Variants in SLC14A2 observed in about 807,000 individuals in gnomAD.
The protein encoded by SLC14A2 is solute carrier family 14 member 2.
A neutral mutation model predicts 104.6 loss-of-function variants in SLC14A2; 91 were observed. The observed-to-expected ratio is 0.87, with a 90% CI of 0.73 to 1.04. SLC14A2 has a LOEUF of 1.04. SLC14A2 is among the 50% of genes least tolerant of loss of function. The pLI, the probability that SLC14A2 is intolerant of heterozygous loss-of-function variation, is 0.00. For missense variants in SLC14A2, 1,189 were observed against 1,156.0 expected (o/e 1.03, Z -0.41); for synonymous variants, 476 against 466.4 (o/e 1.02, Z -0.27).
At chr18:45,519,559 A>G (rs1022085519) in intron 2 of SLC14A2, among the ~76,000 whole-genome samples, 1 of 152,200 alleles carries the variant, frequency 6.6e-6, no homozygotes, top group Admixed American at 6.5e-5. Context: ...TCCCAGACAC[A>G]TAATTTACTG....
At chr18:45,604,277 T>C (rs576725325) in intron 2 of SLC14A2, among the ~76,000 whole-genome samples, 72 of 152,296 alleles carry the variant, frequency 4.7e-4, no homozygotes, top group African/African-American at 1.7e-3. Flanking sequence ...ATCCAGTTAA[T>C]CCTAATGTCA....
rs981729963 is a variant in SLC14A2 at position 45,381,588 on chromosome 18, G to A, written c.-124-101645G>A. On this transcript the variant is annotated intron_variant, in intron 1 of 20. Coordinates refer to the SLC14A2 transcript ENST00000586448. ...TTTCTTTCTTCTGCTGATGTCTTGG[G>A]CATAGTTTTTGTTGATCCAATTATA... Among the ~76,000 whole-genome samples the A allele has an allele frequency of 3.3e-5, 5 of 152,276 alleles. No individual in the cohort carries two copies. The South Asian group carries it at 8.3e-4, about 25-fold the overall frequency.
At chr18:45,173,220 T>C in the SLC14A2 span, among the ~76,000 whole-genome samples, 1 of 152,132 alleles carries the variant, frequency 6.6e-6, no homozygotes, top group African/African-American at 2.4e-5. Context: ...ATATATTTAA[T>C]GTTTCTTCCA....
chr18:45,419,065 G>T (rs943034103), intron 1 of SLC14A2, among the ~76,000 whole-genome samples: 2 of 152,222 alleles, frequency 1.3e-5, no homozygotes, highest in South Asian at 2.1e-4. Flanking sequence ...TGTGTGTTTT[G>T]TGAAGAGGAA....
intron 1 of SLC14A2, among the ~76,000 whole-genome samples, chr18:45,427,929 A>T (rs2086458488): frequency 6.6e-6 from 1 of 152,186 alleles, no homozygotes; most frequent in African/African-American, 2.4e-5. Context: ...GATTAAAATA[A>T]CTGCCCTGCC....
At chr18:45,506,201 G>A (rs924906966) in intron 2 of SLC14A2, among the ~76,000 whole-genome samples, 5 of 152,106 alleles carry the variant, frequency 3.3e-5, no homozygotes, top group African/African-American at 1.2e-4. Context: ...AGTCTCTCAG[G>A]AGTCCTGCTC....
chr18:45,224,376 G>T (rs533106861), intron 1 of SLC14A2, among the ~76,000 whole-genome samples: 4 of 152,356 alleles, frequency 2.6e-5, no homozygotes, highest in South Asian at 2.1e-4. Flanking sequence ...CAGCAACCTT[G>T]AAAGCTTATC....
rs1461219324 is a variant in SLC14A2 at position 45,303,916 on chromosome 18, A to G, written c.-125+90725A>G. On this transcript the variant is annotated intron_variant, in intron 1 of 20. Transcript: ENST00000586448. Reference sequence around the variant, plus strand: ...CCACTGCTCCTCCAGCATCTAGCACAGAGTCTTGCAAATGGCAGAAGCTTT... The same window carrying G: ...CCACTGCTCCTCCAGCATCTAGCACGGAGTCTTGCAAATGGCAGAAGCTTT... 2.6e-5 allele frequency among the ~76,000 whole-genome samples: 4 copies of G among 152,242 alleles called. No individual in the cohort carries two copies. In the East Asian group the frequency reaches 7.7e-4, roughly 29 times the overall value.
At chr18:45,654,487 G>A (rs986732216) in intron 10 of SLC14A2, among the ~76,000 whole-genome samples, 67 of 152,224 alleles carry the variant, frequency 4.4e-4, no homozygotes, top group African/African-American at 1.5e-3. Flanking sequence ...CCAGGTACAC[G>A]TCCTAGCCAA....
chr18:45,190,920 G>A, the SLC14A2 span, among the ~76,000 whole-genome samples: 3 of 152,154 alleles, frequency 2.0e-5, no homozygotes, highest in Non-Finnish European at 4.4e-5. Flanking sequence ...ACTCCATGAG[G>A]CCTTTTTTAG....
rs1470687750 is a variant in SLC14A2 at position 45,488,807 on chromosome 18, A to T, written c.-35+5485A>T. ...AACTGAATGGTATCCACACTCAGCAAGGAAGGTACAAAGACTGATTTGTTC... is the reference window on the plus strand; with the variant it reads ...AACTGAATGGTATCCACACTCAGCATGGAAGGTACAAAGACTGATTTGTTC... On this transcript the variant is annotated intron_variant, in intron 2 of 20. Coordinates refer to the SLC14A2 transcript ENST00000586448. Among the ~76,000 whole-genome samples the T allele has an allele frequency of 2.0e-5, 3 of 152,316 alleles. No homozygotes were observed. The East Asian group carries it at 5.8e-4, about 29-fold the overall frequency.
chr18:45,543,202 C>T (rs186223085), intron 2 of SLC14A2, among the ~76,000 whole-genome samples: 22 of 152,168 alleles, frequency 1.4e-4, no homozygotes, highest in Admixed American at 3.9e-4. Flanking sequence ...TCCTGCCCAG[C>T]CTCCCAAAGT....
At chr18:45,614,584 G>C (rs2045028239), upstream of SLC14A2, among the ~76,000 whole-genome samples, 1 of 152,334 alleles carries the variant, frequency 6.6e-6, no homozygotes, top group East Asian at 1.9e-4. Context: ...GTCTGTGGGA[G>C]CCCACCTCTT....
In SLC14A2 at chr18:45,310,601, G is replaced by A. The variant is rs1048812057; in HGVS notation, c.-125+97410G>A. Reference sequence around the variant, plus strand: ...GGAACACTATCCTAGGTGCCATGGGGCATTGCTAGGAAATGTATTTGCATG... The same window carrying A: ...GGAACACTATCCTAGGTGCCATGGGACATTGCTAGGAAATGTATTTGCATG... On this transcript the variant is annotated intron_variant, in intron 1 of 20. Coordinates refer to the SLC14A2 transcript ENST00000586448. Among the ~76,000 whole-genome samples the A allele has an allele frequency of 3.3e-5, 5 of 152,220 alleles. No homozygotes were observed. In the East Asian group the frequency reaches 9.6e-4, roughly 29 times the overall value.
the SLC14A2 span, among the ~76,000 whole-genome samples, chr18:45,205,813 G>C: frequency 5.9e-5 from 9 of 152,210 alleles, no homozygotes; most frequent in Non-Finnish European, 1.3e-4. Flanking sequence ...CAAATATAGA[G>C]TGAGCATTTA....
chr18:45,316,583 A>G (rs1363379816), intron 1 of SLC14A2, among the ~76,000 whole-genome samples: 4 of 152,214 alleles, frequency 2.6e-5, no homozygotes, highest in Non-Finnish European at 5.9e-5. Context: ...GAGATCCTGC[A>G]TTTAGACTTC....
intron 2 of SLC14A2, among the ~76,000 whole-genome samples, chr18:45,539,659 C>T (rs2043855036): frequency 6.6e-6 from 1 of 152,180 alleles, no homozygotes. Flanking sequence ...TGGGCCTGTT[C>T]CCCTTGCCCC....
intron 10 of SLC14A2, among the ~76,000 whole-genome samples, chr18:45,653,664 G>T (rs115826930): frequency 0.011 from 1,648 of 152,194 alleles, 25 homozygotes; most frequent in African/African-American, 0.038. Context: ...GTGGGGGTTC[G>T]TCACACCCTT....
chr18:45,668,514 A>G (rs1014625312), intron 15 of SLC14A2, 37 bp downstream of exon 15: 1 of 1,611,472 alleles, frequency 6.2e-7, no homozygotes, highest in African/African-American at 1.3e-5. Flanking sequence ...GTTCATATCA[A>G]TGGCCACCAA....
Sources: allele counts gnomAD v4.1 joint callset (sites outside exome capture counted in the v4.1 genomes callset), GRCh38; gene constraint gnomAD v4.1.1; transcripts MANE v1.5; gene names NCBI Gene and HGNC (gene_info 2026-07-23, HGNC 2026-07-21).